CASZ1: variants seen among roughly 807,000 people sequenced by gnomAD.
CASZ1 encodes castor zinc finger 1.
CASZ1 carries 28 observed loss-of-function variants against 135.2 expected under a neutral mutation model. That is an observed-to-expected ratio of 0.21 (90% CI 0.15 to 0.28). The LOEUF is 0.28. Among genes scored for constraint, CASZ1 ranks in the 10% least tolerant of loss-of-function variants. The probability of loss-of-function intolerance (pLI) is 1.00; values close to 1 mark genes in which losing one functional copy is unlikely to be tolerated. For synonymous variants in CASZ1, 1,068 were observed against 1,073.4 expected (o/e 0.99, Z 0.10); for missense variants, 2,161 against 2,453.3 (o/e 0.88, Z 2.52).
At chr1:10,667,639 T>A (rs533337630) in intron 4 of CASZ1, among the ~76,000 whole-genome samples, 1 of 152,102 alleles carries the variant, frequency 6.6e-6, no homozygotes, top group Non-Finnish European at 1.5e-5. Flanking sequence ...TTGCCCTGGA[T>A]GGGGAAGGGA....
At position 10,738,968 on chromosome 1, in the gene CASZ1, C is replaced by T. The variant is rs190155553; in HGVS notation, c.-77+21733G>A. Among the ~76,000 whole-genome samples the T allele has an allele frequency of 3.5e-4, 49 of 138,236 alleles. 1 individual carries two copies. Among genetic ancestry groups the T allele is most frequent in the African/African-American group, 1.2e-3 (42 of 36,306 alleles). The allele number at this position is 138,236 out of a possible 152,430, so 90.7% of individuals were successfully genotyped here. On this transcript the variant is annotated intron_variant, in intron 2 of 20. Transcript: ENST00000377022. ...TTCACTTTTCGCTAAAGTCACATTC[C>T]GGCAGCAATTTTATGCTGTCAAAAT...
At chr1:10,664,404 G>A (rs920525993) in intron 5 of CASZ1, among the ~76,000 whole-genome samples, 4 of 152,042 alleles carry the variant, frequency 2.6e-5, no homozygotes, top group Non-Finnish European at 5.9e-5. Context: ...TGGACATGGA[G>A]ACACCAGCAG....
intron 1 of CASZ1, among the ~76,000 whole-genome samples, chr1:10,772,382 C>G (rs540422109): frequency 2.0e-5 from 3 of 152,216 alleles, no homozygotes; most frequent in African/African-American, 7.2e-5. Flanking sequence ...ATAGAAACTT[C>G]CCAGCTTCAG....
rs1486099910 is a variant in CASZ1, at chr1:10,706,731, G to A, written c.-76-1187C>T. Among the ~76,000 whole-genome samples, 1 of 152,180 alleles carries A rather than the reference G, an allele frequency of 6.6e-6. No individual in the cohort carries two copies. The highest frequency in any genetic ancestry group is 1.5e-5 in the Non-Finnish European group (1 of 68,022). On this transcript the variant is annotated intron_variant, in intron 2 of 20. Transcript: ENST00000377022. This position sits in a 1 kb window ranked among gnomAD's most constrained non-coding sequence, Gnocchi z 4.3. ...GCCCGGGCAGAGGGTGCCCACTGGG[G>A]CGGAGCCTGCCCTGCCAGATACAGG...
chr1:10,759,271 C>A lies in CASZ1; in HGVS notation c.-77+1430G>T, dbSNP rs1409229168. Among the ~76,000 whole-genome samples the A allele has an allele frequency of 6.6e-6, 1 of 152,138 alleles. No homozygotes were observed. The highest frequency in any genetic ancestry group is 1.5e-5 in the Non-Finnish European group (1 of 68,034). On this transcript the variant is annotated intron_variant, in intron 2 of 20. Coordinates refer to ENST00000377022, the MANE Select transcript of CASZ1 (RefSeq NM_001079843.3). The surrounding 1 kb of genome is among the most constrained non-coding windows in gnomAD (Gnocchi z 4.2). ...TCATGATCATCAGAGGAAGCAGAGT[C>A]TGTTAAGAATAGCCCGGGAAGGTGG...
At chr1:10,791,745 GA>G (rs1291411788) in intron 1 of CASZ1, among the ~76,000 whole-genome samples, 5 of 20,958 alleles carry the variant, frequency 2.4e-4, no homozygotes, top group Admixed American at 1.3e-3. Flanking sequence ...AAAAGAGGGG[GA>G]GAGAGAGAGA....
chr1:10,706,689 G>A lies in CASZ1; in HGVS notation c.-76-1145C>T, dbSNP rs949739248. On this transcript the variant is annotated intron_variant, in intron 2 of 20. Coordinates refer to ENST00000377022, the MANE Select transcript of CASZ1 (RefSeq NM_001079843.3). This position sits in a 1 kb window ranked among gnomAD's most constrained non-coding sequence, Gnocchi z 4.3. ...AGGGCTCGGCTCTCCACCAGCTTTC[G>A]CCGCTTGTGTTGGGCTGCCCGGGCA... Among the ~76,000 whole-genome samples the A allele has an allele frequency of 1.3e-5, 2 of 152,282 alleles. No homozygotes were observed. The highest frequency in any genetic ancestry group is 2.1e-4 in the South Asian group (1 of 4,826).
chr1:10,656,338 G>A (rs1467617931), intron 8 of CASZ1, among the ~76,000 whole-genome samples: 2 of 152,242 alleles, frequency 1.3e-5, no homozygotes, highest in Non-Finnish European at 2.9e-5. Flanking sequence ...ACTGCAAAGA[G>A]TCAATTAGGC....
rs372839245 is a variant in CASZ1 at position 10,653,593 on chromosome 1, C to G, written c.2464G>C (p.Gly822Arg). Residue 822 changes from glycine (G) to arginine (R), a missense_variant, in exon 11 of 21, where the codon GGT becomes CGT. Physicochemically the swap from Gly to Arg is moderately radical, Grantham distance 125. This residue lies in a region of CASZ1 where 406 missense variants were observed against 387.6 expected (regional missense o/e 1.05). Coordinates refer to ENST00000377022, the MANE Select transcript of CASZ1 (RefSeq NM_001079843.3). ...SLPVGTPSLL[G>R]AVSSGSAASA... ...GCTGCTGACCCAGACGACACGGCAC[C>G]CAGGAGGCTGGGGGTGCCCACAGGC... 4 of 1,558,340 alleles carry G rather than the reference C, an allele frequency of 2.6e-6. No homozygotes were observed. In the Admixed American group the frequency reaches 7.2e-5, roughly 28 times the overall value.
intron 2 of CASZ1, among the ~76,000 whole-genome samples, chr1:10,723,293 C>A (rs147318039): frequency 6.6e-6 from 1 of 152,322 alleles, no homozygotes; most frequent in East Asian, 1.9e-4. Context: ...TGAGTGGGGG[C>A]AGGCCTTGCT....
At position 10,676,771 on chromosome 1, in the gene CASZ1, C is replaced by A. The variant is rs987304723; in HGVS notation, c.17-11200G>T. 6.6e-6 allele frequency among the ~76,000 whole-genome samples: 1 copy of A among 152,260 alleles called. No homozygotes were observed. The highest frequency in any genetic ancestry group is 1.5e-5 in the Non-Finnish European group (1 of 68,046). The stretch of plus-strand genomic sequence containing the variant: ...TCCACGTCCCAGCCACACAGGCCAG[C>A]AGGAGCCTCTGTGAAGCCTGCATGG... On this transcript the variant is annotated intron_variant, in intron 4 of 20. Coordinates refer to ENST00000377022, the MANE Select transcript of CASZ1 (RefSeq NM_001079843.3). The surrounding 1 kb of genome is among the most constrained non-coding windows in gnomAD (Gnocchi z 4.5).
chr1:10,659,779 G>A lies in CASZ1; in HGVS notation c.1263C>T (p.Ser421=). 1 of 1,614,032 alleles carries A rather than the reference G, an allele frequency of 6.2e-7. No homozygotes were observed. Among genetic ancestry groups the A allele is most frequent in the Non-Finnish European group, 8.5e-7 (1 of 1,179,916 alleles). ...GPGPEPPASL[S]FNTPEYLKST... is the part of the protein sequence containing the mutation. Reference sequence around the variant, plus strand: ...ACTTCAGGTACTCGGGAGTGTTGAAGGACAGGGAGGCAGGAGGCTCTGGCC... The same window carrying A: ...ACTTCAGGTACTCGGGAGTGTTGAAAGACAGGGAGGCAGGAGGCTCTGGCC... Residue 421 remains serine (S), a synonymous_variant, in exon 6 of 21, where the codon TCC becomes TCT. Coordinates refer to ENST00000377022, the MANE Select transcript of CASZ1 (RefSeq NM_001079843.3).
intron 5 of CASZ1, among the ~76,000 whole-genome samples, chr1:10,663,782 G>C (rs765882420): frequency 2.0e-5 from 3 of 152,224 alleles, no homozygotes; most frequent in East Asian, 3.8e-4. Flanking sequence ...TCCCAGTGTC[G>C]GGCTGAGGGG....
rs1263695865 is a variant in CASZ1, at chr1:10,700,402, C to G, written c.-24+5090G>C. Among the ~76,000 whole-genome samples, 1 of 152,156 alleles carries G rather than the reference C, an allele frequency of 6.6e-6. No homozygotes were observed. On this transcript the variant is annotated intron_variant, in intron 3 of 20. Transcript: ENST00000377022. The surrounding 1 kb of genome is among the most constrained non-coding windows in gnomAD (Gnocchi z 4.2). Reference sequence around the variant, plus strand: ...GGGAGGGGTCCCAGGAGGGGAGGCCCGCTGTCCTTATGGGAGGTGTGAGGT... The same window carrying G: ...GGGAGGGGTCCCAGGAGGGGAGGCCGGCTGTCCTTATGGGAGGTGTGAGGT...
intron 1 of CASZ1, among the ~76,000 whole-genome samples, chr1:10,768,294 G>A (rs1017259597): frequency 4.6e-5 from 7 of 152,058 alleles, no homozygotes; most frequent in African/African-American, 7.2e-5. Context: ...CTCGGCTCAC[G>A]GCAGCCTCCG....
At chr1:10,787,035 A>G (rs924789136) in intron 1 of CASZ1, among the ~76,000 whole-genome samples, 1 of 152,214 alleles carries the variant, frequency 6.6e-6, no homozygotes, top group Non-Finnish European at 1.5e-5. Flanking sequence ...GCACTTGACA[A>G]TGCCAACCAT....
At chr1:10,682,135 C>G (rs34761175) in intron 4 of CASZ1, among the ~76,000 whole-genome samples, 55,231 of 152,060 alleles carry the variant, frequency 0.36, 11,715 homozygotes, top group Non-Finnish European at 0.47. Flanking sequence ...CATCCACTTT[C>G]AAGTTTGTCT....
At chr1:10,690,677 A>G (rs492447) in intron 4 of CASZ1, among the ~76,000 whole-genome samples, 8 of 151,942 alleles carry the variant, frequency 5.3e-5, no homozygotes, top group Admixed American at 3.3e-4. Flanking sequence ...CCTCACCGGC[A>G]CCCCCTGCAG....
chr1:10,659,481 G>C lies in CASZ1; in HGVS notation c.1340+221C>G, dbSNP rs80047246. On this transcript the variant is annotated intron_variant, in intron 6 of 20. Coordinates refer to ENST00000377022, the MANE Select transcript of CASZ1 (RefSeq NM_001079843.3). ...GGCGCTGCAGGAGGGCTCACGCATG[G>C]TTCTGTAGGTGCAAGAGTGAATGTG... is the stretch of plus-strand genomic sequence containing the variant. Among the ~76,000 whole-genome samples, 546 of 152,352 alleles carry C rather than the reference G, an allele frequency of 3.6e-3. 4 individuals carry two copies. The highest frequency in any genetic ancestry group is 0.012 in the African/African-American group (504 of 41,574).
Sources: allele counts gnomAD v4.1 joint callset (sites outside exome capture counted in the v4.1 genomes callset), GRCh38; gene constraint gnomAD v4.1.1; regional missense constraint gnomAD v4.1.1; non-coding constraint Gnocchi (gnomAD v3.1); transcripts MANE v1.5; gene names NCBI Gene and HGNC (gene_info 2026-07-23, HGNC 2026-07-21).